Variants in MBNL1 observed in about 807,000 individuals in gnomAD.
MBNL1 encodes muscleblind-like protein 1.
A neutral mutation model predicts 42.2 loss-of-function variants in MBNL1; 8 were observed. The observed-to-expected ratio is 0.19, with a 90% confidence interval of 0.11 to 0.34. MBNL1 has a LOEUF of 0.34. MBNL1 is among the 10% of genes least tolerant of loss of function. MBNL1 has a pLI of 1.00. For missense variants in MBNL1, 309 were observed against 495.3 expected (o/e 0.62, Z 3.57); for synonymous variants, 169 against 173.9 (o/e 0.97, Z 0.22).
At chr3:152,401,981 G>A (rs542180410) in intron 2 of MBNL1, among the ~76,000 whole-genome samples, 2 of 150,026 alleles carry the variant, frequency 1.3e-5, no homozygotes, top group African/African-American at 4.9e-5. Context: ...GCAGTGAGCC[G>A]AGATCGCGCC....
At chr3:152,333,356 A>T (rs1340390463) in intron 2 of MBNL1, among the ~76,000 whole-genome samples, 1 of 152,180 alleles carries the variant, frequency 6.6e-6, no homozygotes, top group African/African-American at 2.4e-5. Flanking sequence ...GGACACATAT[A>T]AGATAAGTTT....
At chr3:152,307,181 G>C (rs934273258) in intron 2 of MBNL1, among the ~76,000 whole-genome samples, 11 of 152,150 alleles carry the variant, frequency 7.2e-5, no homozygotes, top group Non-Finnish European at 4.4e-5. Context: ...GTAGAGACAG[G>C]GTTTCACCGT....
chr3:152,446,004 A>C (rs558109894), intron 5 of MBNL1, among the ~76,000 whole-genome samples: 1 of 152,318 alleles, frequency 6.6e-6, no homozygotes, highest in African/African-American at 2.4e-5. Context: ...TGTTCTTAGA[A>C]TTAGCTACAG....
At chr3:152,436,745 C>CT (rs2099083135) in intron 4 of MBNL1, among the ~76,000 whole-genome samples, 1 of 152,176 alleles carries the variant, frequency 6.6e-6, no homozygotes, top group Non-Finnish European at 1.5e-5. Context: ...GAAATGAAGA[C>CT]TTTTGTCTTT....
intron 1 of MBNL1, among the ~76,000 whole-genome samples, chr3:152,296,648 CATA>C (rs1351940810): frequency 6.0e-5 from 9 of 150,470 alleles, no homozygotes; most frequent in Non-Finnish European, 1.0e-4. Context: ...GACCCTGGAA[CATA>C]ATAATTTATA....
chr3:152,333,743 C>T (rs1337077742), intron 2 of MBNL1, among the ~76,000 whole-genome samples: 6 of 152,088 alleles, frequency 3.9e-5, no homozygotes, highest in African/African-American at 7.2e-5. Context: ...GTTACCTTAC[C>T]ATTGATATTA....
At chr3:152,337,984 C>T (rs975777173) in intron 2 of MBNL1, 22 of 643,536 alleles carry the variant, frequency 3.4e-5, no homozygotes, top group Non-Finnish European at 4.1e-5. Context: ...GATCAGCACC[C>T]TGGGATTTTT....
At chr3:152,254,377 T>G in intron 2 of MBNL1, among the ~76,000 whole-genome samples, 1 of 152,102 alleles carries the variant, frequency 6.6e-6, no homozygotes, top group East Asian at 1.9e-4. Flanking sequence ...CTTGCCCCAT[T>G]GCCTCTGCCC....
intron 2 of MBNL1, among the ~76,000 whole-genome samples, chr3:152,353,671 C>CT (rs34931833): frequency 0.41 from 47,712 of 116,388 alleles, 11,027 homozygotes; most frequent in East Asian, 0.69. Flanking sequence ...TCAACAAATC[C>CT]TTTTTTTTTT....
intron 4 of MBNL1, among the ~76,000 whole-genome samples, chr3:152,437,837 G>A (rs1253182931): frequency 1.3e-5 from 2 of 150,034 alleles, no homozygotes; most frequent in African/African-American, 2.5e-5. Context: ...GCGGTGGCGC[G>A]ATCTCAGCTC....
intron 2 of MBNL1, among the ~76,000 whole-genome samples, chr3:152,320,419 G>C (rs1276501408): frequency 2.0e-5 from 3 of 152,080 alleles, no homozygotes; most frequent in Non-Finnish European, 2.9e-5. Context: ...TGTTTTGTAT[G>C]TTATCTTGTG....
At position 152,365,720 on chromosome 3, in the gene MBNL1, A is replaced by G. The variant is rs2096315979; in HGVS notation, c.175-49221A>G. On this transcript the variant is annotated intron_variant, in intron 2 of 9. Coordinates refer to ENST00000324210, the MANE Select transcript of MBNL1 (RefSeq NM_021038.5). ...AGGTTGATAGAAACAGAACTATATTATTTTAATTATGCAATTCTATTAAAC... is the reference window on the plus strand; with the variant it reads ...AGGTTGATAGAAACAGAACTATATTGTTTTAATTATGCAATTCTATTAAAC... Among the ~76,000 whole-genome samples the G allele has an allele frequency of 3.9e-5, 6 of 152,180 alleles. No individual in the cohort carries two copies. In the South Asian group the frequency reaches 1.2e-3, roughly 31 times the overall value.
chr3:152,321,777 C>A (rs928803214), intron 2 of MBNL1, among the ~76,000 whole-genome samples: 10 of 151,912 alleles, frequency 6.6e-5, no homozygotes, highest in African/African-American at 2.4e-4. Context: ...TGTGTATTTC[C>A]AATCTTGCTT....
chr3:152,327,200 TTTCC>T (rs998724686), intron 2 of MBNL1, among the ~76,000 whole-genome samples: 2 of 152,092 alleles, frequency 1.3e-5, no homozygotes, highest in Non-Finnish European at 2.9e-5. Context: ...AAAAGTTTTC[TTTCC>T]TTCCTTTTTG....
intron 2 of MBNL1, chr3:152,338,467 G>A (rs770400515): frequency 3.0e-6 from 3 of 985,260 alleles, no homozygotes; most frequent in Non-Finnish European, 3.6e-6. Context: ...CTTGCTTTCA[G>A]TTGTTAAGGC....
Position 152,275,559 on chromosome 3 carries a change from A to G in MBNL1, c.-790+6467A>G, listed in dbSNP as rs370914725. On this transcript the variant is annotated intron_variant, in intron 1 of 9. Transcript: ENST00000324210. ...CCCCGTCTCTACTAAAATACAAAAAATTAGCTGGGCATGGTGGCGCATGCC... is the reference window on the plus strand; with the variant it reads ...CCCCGTCTCTACTAAAATACAAAAAGTTAGCTGGGCATGGTGGCGCATGCC... Among the ~76,000 whole-genome samples the G allele has an allele frequency of 3.9e-5, 6 of 152,066 alleles. No homozygotes were observed. The East Asian group carries it at 7.8e-4, about 20-fold the overall frequency.
intron 3 of MBNL1, among the ~76,000 whole-genome samples, chr3:152,422,192 C>A (rs192604408): frequency 6.8e-6 from 1 of 146,946 alleles, no homozygotes; most frequent in African/African-American, 2.5e-5. Context: ...ACCCATCCTA[C>A]GTGCAAAGAC....
intron 2 of MBNL1, among the ~76,000 whole-genome samples, chr3:152,247,408 G>A (rs546977594): frequency 6.6e-6 from 1 of 151,940 alleles, no homozygotes; most frequent in African/African-American, 2.4e-5. Flanking sequence ...GACAGTACAT[G>A]AGCTCTGTAT....
At chr3:152,373,404 C>G (rs889862663) in intron 2 of MBNL1, among the ~76,000 whole-genome samples, 12 of 151,542 alleles carry the variant, frequency 7.9e-5, no homozygotes, top group African/African-American at 2.9e-4. Context: ...AAATGGCTGC[C>G]CTGTTTTGCG....
Sources: gnomAD v4.1 joint callset for allele counts (sites outside exome capture counted in the v4.1 genomes callset) on GRCh38, gnomAD v4.1.1 for gene constraint, MANE v1.5 for transcripts, NCBI Gene and HGNC (gene_info 2026-07-23, HGNC 2026-07-21) for gene names.